Variants in RINL observed in about 807,000 individuals in gnomAD.
RINL encodes the protein ras and Rab interactor-like protein.
In RINL, 39 loss-of-function variants were observed where a neutral mutation model predicts 58.1. The observed-to-expected ratio is 0.67, with a 90% confidence interval of 0.52 to 0.88. RINL has a LOEUF of 0.88. RINL is among the 40% of genes least tolerant of loss of function. RINL has a pLI of 0.00. For synonymous variants in RINL, 286 were observed against 323.1 expected, an observed-to-expected ratio of 0.89 and a Z score of 1.23; for missense variants, 711 against 749.2, an observed-to-expected ratio of 0.95 and a Z score of 0.60.
Position 38,870,755 on chromosome 19 carries a change from C to A in RINL, c.839G>T (p.Ser280Ile), listed in dbSNP as rs752498100. 6.8e-6 allele frequency: 11 copies of A among 1,613,184 alleles called. No homozygotes were observed. The highest frequency in any genetic ancestry group is 1.7e-5 in the Admixed American group (1 of 59,978). Residue 280 changes from serine (S) to isoleucine (I), a missense_variant, in exon 8 of 12, where the codon AGC becomes ATC. By Grantham distance (142) the Ser-to-Ile change is moderately radical. Transcript: ENST00000591812. The surrounding 1 kb of genome is among the most constrained non-coding windows in gnomAD (Gnocchi z 5.8). ...ATCTGAGGCGATGCGCACCCGAAGGCTTCGGTACTGCCTGGCCACGTAGCT... is the reference window on the plus strand; with the variant it reads ...ATCTGAGGCGATGCGCACCCGAAGGATTCGGTACTGCCTGGCCACGTAGCT... Reference protein sequence around the residue: ...RSSYVARQYRSLRVRIASDSG... With the variant: ...RSSYVARQYRILRVRIASDSG...
Position 38,876,403 on chromosome 19 carries a change from T to C in RINL, c.138A>G (p.Thr46=). The C allele has an allele frequency of 1.3e-6, 2 of 1,536,080 alleles. No homozygotes were observed. Among genetic ancestry groups the C allele is most frequent in the East Asian group, 4.9e-5 (2 of 40,910 alleles). ...TLEPLTRLQR[T]WGVWHVPELD... ...GCTCTGGCACATGCCACACCCCCCATGTCCTCTGCAGGCGAGTAAGTGGCT... is the reference window on the plus strand; with the variant it reads ...GCTCTGGCACATGCCACACCCCCCACGTCCTCTGCAGGCGAGTAAGTGGCT... The change falls in exon 3 of 12, where the codon ACA becomes ACG. Residue 46 remains threonine, a synonymous_variant. Transcript: ENST00000591812.
At position 38,876,693 on chromosome 19, in the gene RINL, C is replaced by T; in HGVS notation, c.50G>A (p.Arg17Lys). ...KAPEVPTEGV[R>K]LVPPQVNKAD... ...ATAGCCTCAGCCCTAGTAGCCTCACCTCACCCCCTCTGTGGGGACTTCAGG... is the reference window on the plus strand; with the variant it reads ...ATAGCCTCAGCCCTAGTAGCCTCACTTCACCCCCTCTGTGGGGACTTCAGG... The change falls in exon 2 of 12, where the codon AGG becomes AAG. Residue 17 changes from arginine (R) to lysine (K), a missense_variant and splice_region_variant. Coordinates refer to ENST00000591812, the MANE Select transcript of RINL (RefSeq NM_001195833.2). 6.5e-7 allele frequency: 1 copy of T among 1,536,026 alleles called. No individual in the cohort carries two copies. Among genetic ancestry groups the T allele is most frequent in the Non-Finnish European group, 8.7e-7 (1 of 1,146,828 alleles).
chr19:38,873,557 C>A (rs548474358), intron 4 of RINL: 17 of 184,430 alleles, frequency 9.2e-5, no homozygotes, highest in Non-Finnish European at 1.6e-4. Context: ...GCAGGGTTTC[C>A]CTCTGTTGCC....
At chr19:38,873,664 T>G in intron 4 of RINL, 1 of 406,918 alleles carries the variant, frequency 2.5e-6, no homozygotes, top group Middle Eastern at 7.6e-4. Flanking sequence ...TAGCTGGGAT[T>G]ACAGTCGCGC....
At chr19:38,875,028 G>A (rs910269820) in intron 3 of RINL, among the ~76,000 whole-genome samples, 1 of 149,608 alleles carries the variant, frequency 6.7e-6, no homozygotes, top group African/African-American at 2.5e-5. Flanking sequence ...CCAGCTACTC[G>A]GGAGGCTGAG....
intron 4 of RINL, among the ~76,000 whole-genome samples, chr19:38,872,116 C>T (rs1002010226): frequency 6.6e-6 from 1 of 152,158 alleles, no homozygotes; most frequent in Non-Finnish European, 1.5e-5. Flanking sequence ...ATACAGTTAT[C>T]AAAAGGCAGA....
chr19:38,877,211 G>A (rs777484328), intron 1 of RINL, among the ~76,000 whole-genome samples: 6 of 152,252 alleles, frequency 3.9e-5, no homozygotes, highest in Middle Eastern at 3.4e-3. Context: ...CACCACACCC[G>A]GCCGGCAGGG....
At chr19:38,876,585 A>G in intron 2 of RINL, 95 bp from the exon 3 acceptor site, 2 of 1,447,702 alleles carry the variant, frequency 1.4e-6, no homozygotes, top group Non-Finnish European at 1.9e-6. Flanking sequence ...GGCCCAGGGC[A>G]GAGGCTCAGA....
Position 38,869,139 on chromosome 19 carries a change from C to A in RINL, c.1666G>T (p.Ala556Ser). The A allele has an allele frequency of 6.2e-7, 1 of 1,613,236 alleles. No homozygotes were observed. Among genetic ancestry groups the A allele is most frequent in the Non-Finnish European group, 8.5e-7 (1 of 1,179,450 alleles). The stretch of plus-strand genomic sequence containing the variant: ...CTGGTCCCTGTCACAGTCTCTTCTG[C>A]CCATGGCTCCTTAAAGGGCAGGTTG... Reference protein sequence around the residue: ...QANLPFKEPWAEETVTGTSDN With the variant: ...QANLPFKEPWSEETVTGTSDN Residue 556 changes from alanine to serine, a missense_variant, in exon 12 of 12, where the codon GCA becomes TCA. Coordinates refer to ENST00000591812, the MANE Select transcript of RINL (RefSeq NM_001195833.2). This position sits in a 1 kb window ranked among gnomAD's most constrained non-coding sequence, Gnocchi z 5.7.
Position 38,870,248 on chromosome 19 carries a change from T to C in RINL, c.1037A>G (p.Glu346Gly), listed in dbSNP as rs1180757916. The C allele has an allele frequency of 2.5e-5, 35 of 1,383,782 alleles. No homozygotes were observed. Among genetic ancestry groups the C allele is most frequent in the Non-Finnish European group, 3.2e-5 (34 of 1,076,638 alleles). The allele number at this position is 1,383,782 out of a possible 1,614,324, so 85.7% of individuals were successfully genotyped here. A position where few individuals can be genotyped will look rare whatever the true frequency, so the allele number is the denominator to read the frequency against. ...CAGCACCGCCTGGCACACCGCCGTC[T>C]CCAGCGCGGGGCCTGCGGGGTGTGG... ...KKDEDPGPAL[E>G]TAVCQAVLAP... The change falls in exon 9 of 12, where the codon GAG becomes GGG. Residue 346 changes from glutamate to glycine, a missense_variant. Coordinates refer to ENST00000591812, the MANE Select transcript of RINL (RefSeq NM_001195833.2). The surrounding 1 kb of genome is among the most constrained non-coding windows in gnomAD (Gnocchi z 5.8).
In RINL at chr19:38,870,210, G is replaced by T; in HGVS notation, c.1075C>A (p.Pro359Thr). Residue 359 changes from proline to threonine, a missense_variant, in exon 9 of 12, where the codon CCG (proline) becomes ACG (threonine). Pro to Thr is a conservative substitution (Grantham distance 38). Coordinates refer to ENST00000591812, the MANE Select transcript of RINL (RefSeq NM_001195833.2). The surrounding 1 kb of genome is among the most constrained non-coding windows in gnomAD (Gnocchi z 5.8). ...VCQAVLAPLK[P>T]ALWTRLRTLR... ...GTGCGGAGTCGTGTCCACAGGGCCG[G>T]CTTCAGGGGCGCCAGCACCGCCTGG... 3 of 1,387,690 alleles carry T rather than the reference G, an allele frequency of 2.2e-6. No homozygotes were observed. Among genetic ancestry groups the T allele is most frequent in the African/African-American group, 3.0e-5 (2 of 65,614 alleles). The allele number at this position is 1,387,690 out of a possible 1,614,324, so 86.0% of individuals were successfully genotyped here.
At chr19:38,876,309 G>T (rs1428269782) in intron 3 of RINL, 22 bp downstream of exon 3, 1 of 1,530,082 alleles carries the variant, frequency 6.5e-7, no homozygotes, top group Non-Finnish European at 8.7e-7. Context: ...GTCAGGATGG[G>T]CCCCCAGCTG....
chr19:38,874,119 A>G, intron 3 of RINL, 131 bp from the exon 4 acceptor site: 1 of 624,572 alleles, frequency 1.6e-6, no homozygotes, highest in Non-Finnish European at 2.9e-6. Context: ...CCCTCTCCCT[A>G]CTTTCAGTCC....
Position 38,869,996 on chromosome 19 carries a change from A to G in RINL, c.1289T>C (p.Leu430Pro), listed in dbSNP as rs775069678. The change falls in exon 9 of 12, where the codon CTC becomes CCC. Residue 430 changes from leucine to proline, a missense_variant. By Grantham distance (98) the Leu-to-Pro change is moderately conservative. Transcript: ENST00000591812. This position sits in a 1 kb window ranked among gnomAD's most constrained non-coding sequence, Gnocchi z 5.7. The stretch of plus-strand genomic sequence containing the variant: ...ATAGACATCTCTGCACACCTCCAAG[A>G]GGAGCGCCACCTTGCGGCGCGGGGC... ...ACAPRRKVAL[L>P]LEVCRDVYAG... 5 of 1,591,912 alleles carry G rather than the reference A, an allele frequency of 3.1e-6. No individual in the cohort carries two copies. Among genetic ancestry groups the G allele is most frequent in the South Asian group, 1.1e-5 (1 of 88,140 alleles).
intron 4 of RINL, among the ~76,000 whole-genome samples, 161 bp from the exon 5 acceptor site, chr19:38,872,031 C>T (rs906403331): frequency 5.9e-5 from 9 of 152,104 alleles, no homozygotes; most frequent in Non-Finnish European, 8.8e-5. Flanking sequence ...TCTTGTGTAC[C>T]ACTTATGCCA....
At chr19:38,873,812 C>T in intron 4 of RINL, 74 bp downstream of exon 4, 2 of 940,588 alleles carry the variant, frequency 2.1e-6, no homozygotes, top group Non-Finnish European at 3.3e-6. Flanking sequence ...AGGCGTGAGC[C>T]ACCGCGCCGG....
chr19:38,871,299 G>A, intron 6 of RINL, 72 bp from the exon 7 acceptor site: 3 of 1,545,426 alleles, frequency 1.9e-6, no homozygotes, highest in Non-Finnish European at 2.7e-6. Flanking sequence ...AAGGCGCCAG[G>A]AGACTTACTT....
Position 38,868,971 on chromosome 19 carries a change from T to G in RINL, c.*133A>C, listed in dbSNP as rs539578620. Reference sequence around the variant, plus strand: ...ACCACGCCCGGCTAATTTTTGTTTTTTTTTTTTTTTGGTAGATGGGGGTCC... The same window carrying G: ...ACCACGCCCGGCTAATTTTTGTTTTGTTTTTTTTTTGGTAGATGGGGGTCC... On this transcript the variant is annotated 3_prime_UTR_variant, in exon 12 of 12. Coordinates refer to ENST00000591812, the MANE Select transcript of RINL (RefSeq NM_001195833.2). 430 of 801,806 alleles carry G rather than the reference T, an allele frequency of 5.4e-4. No individual in the cohort carries two copies. The highest frequency in any genetic ancestry group is 2.0e-3 in the Middle Eastern group (6 of 3,062). 49.7% of individuals were successfully genotyped at this position (801,806 alleles called of 1,614,324 possible).
intron 1 of RINL, 24 bp from the exon 2 acceptor site, chr19:38,876,805 C>A: frequency 7.6e-7 from 1 of 1,307,900 alleles, no homozygotes; most frequent in Non-Finnish European, 1.1e-6. Flanking sequence ...AGGTAAGACT[C>A]AAAGCTGCTC....
Sources: gnomAD v4.1 joint callset for allele counts (sites outside exome capture counted in the v4.1 genomes callset) on GRCh38, gnomAD v4.1.1 for gene constraint, Gnocchi (gnomAD v3.1) non-coding constraint, MANE v1.5 for transcripts, NCBI Gene and HGNC (gene_info 2026-07-23, HGNC 2026-07-21) for gene names.